The following PCDHA2 variants were observed in gnomAD, a reference collection of about 807,000 sequenced individuals.
PCDHA2 encodes protocadherin alpha 2, also known as protocadherin alpha-2.
Under a neutral mutation model 66.0 loss-of-function variants are expected in PCDHA2, and 58 were observed. The ratio of observed to expected loss-of-function variants is 0.88; its 90% CI spans 0.71 to 1.09. The LOEUF (loss-of-function observed/expected upper bound fraction) is 1.09, where lower values mean the gene tolerates loss of function less well. PCDHA2 is among the 50% of genes least tolerant of loss of function. The pLI is 0.00. For missense variants in PCDHA2, 1,267 were observed against 1,242.3 expected, an observed-to-expected ratio of 1.02 and a Z score of -0.30; for synonymous variants, 634 against 554.0, an observed-to-expected ratio of 1.14 and a Z score of -2.03.
At chr5:140,967,970 C>T (rs2096204544) in intron 1 of PCDHA2, 2 of 1,614,202 alleles carry the variant, frequency 1.2e-6, no homozygotes, top group South Asian at 2.2e-5. Context: ...GAAAGTGAGC[C>T]TGGGTCTGGA....
chr5:140,836,492 C>T lies in PCDHA2; in HGVS notation c.2388+39140C>T, dbSNP rs2150262015. On this transcript the variant is annotated intron_variant, in intron 1 of 3. Coordinates refer to ENST00000526136, the MANE Select transcript of PCDHA2 (RefSeq NM_018905.3). ...ATGTCAACGTGTACCTGATCATCGC[C>T]ATCTGCGCGGTGTCCAGTCTGTTGG... 13 of 1,613,758 alleles carry T rather than the reference C, an allele frequency of 8.1e-6. No individual in the cohort carries two copies. The South Asian group carries it at 8.8e-5, about 11-fold the overall frequency.
intron 3 of PCDHA2, among the ~76,000 whole-genome samples, chr5:140,987,213 C>CAA (rs58319157): frequency 8.4e-5 from 10 of 118,874 alleles, no homozygotes; most frequent in Non-Finnish European, 1.2e-4. Flanking sequence ...GACTCCATCT[C>CAA]AAAAAAAAAA....
chr5:141,007,481 T>C (rs2098332347), intron 3 of PCDHA2, among the ~76,000 whole-genome samples: 1 of 151,600 alleles, frequency 6.6e-6, no homozygotes, highest in Non-Finnish European at 1.5e-5. Context: ...GGCACGAGAA[T>C]TACTTGGACC....
intron 1 of PCDHA2, chr5:140,966,540 C>G (rs1477712677): frequency 4.3e-6 from 2 of 462,788 alleles, no homozygotes; most frequent in African/African-American, 2.0e-5. Flanking sequence ...TTGAGCGACT[C>G]GGAGGCGAGC....
intron 1 of PCDHA2, among the ~76,000 whole-genome samples, chr5:140,939,338 G>A (rs2092369072): frequency 6.6e-6 from 1 of 152,116 alleles, no homozygotes; most frequent in South Asian, 2.1e-4. Context: ...TTAGGGGTTA[G>A]CATTTCAACT....
chr5:140,978,820 T>C (rs2096824926), intron 1 of PCDHA2, 129 bp from the exon 2 acceptor site: 1 of 1,517,496 alleles, frequency 6.6e-7, no homozygotes, highest in East Asian at 2.4e-5. Context: ...GAGTTACACA[T>C]GAAATGGCTC....
chr5:140,988,864 C>T (rs1017144453), intron 3 of PCDHA2: 2 of 152,190 alleles, frequency 1.3e-5, no homozygotes, highest in Non-Finnish European at 2.9e-5. Flanking sequence ...GTCTCATGTG[C>T]ACTCAGATGT....
intron 1 of PCDHA2, chr5:140,927,725 C>T (rs782731204): frequency 1.2e-6 from 2 of 1,614,202 alleles, no homozygotes; most frequent in South Asian, 2.2e-5. Flanking sequence ...AGCACGCAAG[C>T]AGAGCTGCGA....
At chr5:140,930,582 T>C in intron 1 of PCDHA2, 1 of 152,540 alleles carries the variant, frequency 6.6e-6, no homozygotes, top group East Asian at 1.9e-4. Flanking sequence ...GTATTACTTT[T>C]TGACTTCTCA....
chr5:140,799,629 T>C (rs1447232390), intron 1 of PCDHA2, among the ~76,000 whole-genome samples: 2 of 152,090 alleles, frequency 1.3e-5, no homozygotes, highest in Non-Finnish European at 2.9e-5. Context: ...AAAAAGTTAA[T>C]TCAAAATATT....
intron 1 of PCDHA2, chr5:140,967,413 A>G: frequency 6.2e-7 from 1 of 1,613,218 alleles, no homozygotes; most frequent in Non-Finnish European, 8.5e-7. Context: ...AAGGGCCTAG[A>G]CCGGGAGCAG....
At chr5:140,918,042 A>C (rs1363704503) in intron 1 of PCDHA2, among the ~76,000 whole-genome samples, 1 of 152,088 alleles carries the variant, frequency 6.6e-6, no homozygotes, top group African/African-American at 2.4e-5. Flanking sequence ...AGGTCTTTCC[A>C]TTTGTTTTAT....
At chr5:140,804,043 T>C in intron 1 of PCDHA2, 1 of 170,986 alleles carries the variant, frequency 5.8e-6, no homozygotes, top group Non-Finnish European at 1.2e-5. Flanking sequence ...TGCTTATAAC[T>C]CCCTATTGAT....
At chr5:140,798,230 G>A (rs1227378097) in intron 1 of PCDHA2, among the ~76,000 whole-genome samples, 1 of 152,106 alleles carries the variant, frequency 6.6e-6, no homozygotes, top group Non-Finnish European at 1.5e-5. Flanking sequence ...ATTTCCAAAA[G>A]TATGTAGCAC....
intron 1 of PCDHA2, chr5:140,803,779 T>A: frequency 1.1e-6 from 1 of 902,636 alleles, no homozygotes; most frequent in Non-Finnish European, 1.6e-6. Flanking sequence ...AAATCAGCAG[T>A]AAGTTATGAT....
intron 1 of PCDHA2, chr5:140,828,910 G>A (rs2150160654): frequency 6.2e-7 from 1 of 1,613,410 alleles, no homozygotes; most frequent in Non-Finnish European, 8.5e-7. Context: ...ATGAAGGAGC[G>A]AATGGGGCAA....
chr5:140,874,534 CA>C (rs782798422), intron 1 of PCDHA2, among the ~76,000 whole-genome samples: 5 of 152,202 alleles, frequency 3.3e-5, no homozygotes, highest in Non-Finnish European at 5.9e-5. Flanking sequence ...GATTAGGCTC[CA>C]AAACCCTTTA....
chr5:140,801,740 C>A, intron 1 of PCDHA2: 1 of 1,613,818 alleles, frequency 6.2e-7, no homozygotes. Flanking sequence ...TTACCTTGGA[C>A]GTTAAAAGAA....
chr5:140,950,981 TG>T (rs1443074941), intron 1 of PCDHA2, among the ~76,000 whole-genome samples: 1 of 152,138 alleles, frequency 6.6e-6, no homozygotes, highest in East Asian at 1.9e-4. Context: ...CATTGACTTT[TG>T]CCTCTTTTAG....
Sources: allele counts gnomAD v4.1 joint callset (sites outside exome capture counted in the v4.1 genomes callset), GRCh38; gene constraint gnomAD v4.1.1; transcripts MANE v1.5; gene names NCBI Gene and HGNC (gene_info 2026-07-23, HGNC 2026-07-21).